The following LRP1B variants were observed in gnomAD, a reference collection of about 807,000 sequenced individuals.
LRP1B encodes the protein LDL receptor related protein 1B.
Under a neutral mutation model 556.6 loss-of-function variants are expected in LRP1B, and 217 were observed. The ratio of observed to expected loss-of-function variants is 0.39; its 90% CI spans 0.35 to 0.44. The LOEUF (loss-of-function observed/expected upper bound fraction) is 0.44. Ranked by LOEUF, LRP1B falls within the 20% of genes least tolerant of loss-of-function variation. LRP1B has a pLI of 1.00. For missense variants in LRP1B, 5,053 were observed against 5,620.8 expected (o/e 0.90, Z 3.23); for synonymous variants, 2,047 against 1,865.8 (o/e 1.10, Z -2.50).
intron 2 of LRP1B, among the ~76,000 whole-genome samples, chr2:141,503,487 G>A (rs1683806260): frequency 6.6e-6 from 1 of 151,766 alleles, no homozygotes; most frequent in Non-Finnish European, 1.5e-5. Context: ...ATTATACGTA[G>A]CCAAAATAAT....
intron 3 of LRP1B, among the ~76,000 whole-genome samples, chr2:141,256,348 C>T (rs1010170490): frequency 2.0e-5 from 3 of 151,702 alleles, no homozygotes; most frequent in African/African-American, 4.8e-5. Flanking sequence ...CGCTGCATTG[C>T]TAACCTATAA....
chr2:141,066,412 AG>A, intron 7 of LRP1B, among the ~76,000 whole-genome samples: 1 of 152,112 alleles, frequency 6.6e-6, no homozygotes, highest in East Asian at 1.9e-4. Flanking sequence ...TAAGTCACAA[AG>A]GGAGCGCTCA....
chr2:142,079,656 T>C (rs1249143729), intron 1 of LRP1B, among the ~76,000 whole-genome samples: 1 of 152,012 alleles, frequency 6.6e-6, no homozygotes, highest in Non-Finnish European at 1.5e-5. Context: ...ATTACAGGCA[T>C]GCACCAACAT....
chr2:140,961,567 T>A (rs1057266389), intron 18 of LRP1B, among the ~76,000 whole-genome samples: 2 of 152,116 alleles, frequency 1.3e-5, no homozygotes, highest in Non-Finnish European at 2.9e-5. Flanking sequence ...TTGTTGTATA[T>A]CACTTCCTAA....
intron 63 of LRP1B, among the ~76,000 whole-genome samples, chr2:140,449,478 C>T (rs1389297405): frequency 6.6e-6 from 1 of 151,886 alleles, no homozygotes; most frequent in Non-Finnish European, 1.5e-5. Flanking sequence ...TAGTAAAAAA[C>T]AAAAACTATA....
Position 140,510,074 on chromosome 2 carries a change from A to G in LRP1B, c.8270-18T>C, listed in dbSNP as rs1689589237. On this transcript the variant is annotated intron_variant, in intron 51 of 90. Transcript: ENST00000389484. ...TATGGCACCTGAAACACAAAAACAT[A>G]ATGCCATTAAGATTACTCTGTGTCC... 6.2e-7 allele frequency: 1 copy of G among 1,611,914 alleles called. No homozygotes were observed. Among genetic ancestry groups the G allele is most frequent in the Non-Finnish European group, 8.5e-7 (1 of 1,179,306 alleles).
intron 1 of LRP1B, among the ~76,000 whole-genome samples, chr2:141,944,218 C>T (rs139049838): frequency 5.5e-4 from 83 of 152,292 alleles, no homozygotes; most frequent in African/African-American, 1.9e-3. Flanking sequence ...TAGAATTCCT[C>T]ATAGATGGTG....
At chr2:140,301,223 G>T (rs1216871622) in intron 83 of LRP1B, among the ~76,000 whole-genome samples, 1 of 151,926 alleles carries the variant, frequency 6.6e-6, no homozygotes, top group Non-Finnish European at 1.5e-5. Flanking sequence ...TACTACAACA[G>T]CAAACAAACC....
At chr2:141,887,298 G>A (rs1188969798) in intron 1 of LRP1B, among the ~76,000 whole-genome samples, 5 of 152,126 alleles carry the variant, frequency 3.3e-5, no homozygotes, top group Admixed American at 1.3e-4. Context: ...GCCCAGCCCG[G>A]AATGGTTGAT....
At position 140,321,947 on chromosome 2, in the gene LRP1B, A is replaced by T. The variant is rs2105053039; in HGVS notation, c.12640+16T>A. ...AGGATTAATTCATTATTTACAGAAT[A>T]ATAAAGTATACCCACCTAACAGGCT... On this transcript the variant is annotated intron_variant, in intron 82 of 90. Transcript: ENST00000389484. The T allele has an allele frequency of 6.2e-7, 1 of 1,604,628 alleles. No homozygotes were observed. Among genetic ancestry groups the T allele is most frequent in the Non-Finnish European group, 8.5e-7 (1 of 1,176,330 alleles).
chr2:140,933,838 T>G (rs563185892), intron 20 of LRP1B, among the ~76,000 whole-genome samples: 163 of 152,224 alleles, frequency 1.1e-3, no homozygotes, highest in East Asian at 2.1e-3. Flanking sequence ...AGCACATTGT[T>G]AGAAATAGGC....
intron 2 of LRP1B, among the ~76,000 whole-genome samples, chr2:141,731,537 C>T (rs1439318554): frequency 2.6e-5 from 4 of 152,076 alleles, no homozygotes; most frequent in Admixed American, 1.3e-4. Context: ...ATATTTTTTT[C>T]CTAAAGCTCA....
chr2:141,351,460 G>A (rs1403144008), intron 3 of LRP1B, among the ~76,000 whole-genome samples: 2 of 151,972 alleles, frequency 1.3e-5, no homozygotes, highest in African/African-American at 4.8e-5. Context: ...TGACCAGGCT[G>A]TTCTATATAC....
chr2:141,417,622 G>A (rs1050079385), intron 3 of LRP1B, among the ~76,000 whole-genome samples: 3 of 152,000 alleles, frequency 2.0e-5, no homozygotes, highest in Admixed American at 6.6e-5. Context: ...GTTCACCATC[G>A]AGGGACATTT....
intron 86 of LRP1B, among the ~76,000 whole-genome samples, chr2:140,253,984 T>A (rs999114736): frequency 6.6e-6 from 1 of 152,124 alleles, no homozygotes; most frequent in Non-Finnish European, 1.5e-5. Flanking sequence ...GAAATCTCAA[T>A]GCTTAGTGCC....
intron 7 of LRP1B, among the ~76,000 whole-genome samples, chr2:141,128,538 T>C (rs775189901): frequency 1.3e-5 from 2 of 152,206 alleles, no homozygotes; most frequent in African/African-American, 2.4e-5. Flanking sequence ...CGCACCAAGT[T>C]TCTTCCAGCA....
chr2:141,910,027 A>G (rs978439032), intron 1 of LRP1B, among the ~76,000 whole-genome samples: 4 of 151,702 alleles, frequency 2.6e-5, no homozygotes, highest in Non-Finnish European at 5.9e-5. Context: ...GGAAGGTGCT[A>G]TTTCATAAGA....
chr2:140,661,009 T>C (rs926529446), intron 41 of LRP1B, among the ~76,000 whole-genome samples: 4 of 152,064 alleles, frequency 2.6e-5, no homozygotes, highest in African/African-American at 9.7e-5. Flanking sequence ...CTCCTAAGGT[T>C]TTTTCTATGA....
intron 1 of LRP1B, among the ~76,000 whole-genome samples, chr2:141,967,829 T>C (rs1013553431): frequency 6.6e-6 from 1 of 151,884 alleles, no homozygotes; most frequent in African/African-American, 2.4e-5. Context: ...ACTCACACAA[T>C]TGAGTTTATA....
Sources: allele counts gnomAD v4.1 joint callset (sites outside exome capture counted in the v4.1 genomes callset), GRCh38; gene constraint gnomAD v4.1.1; transcripts MANE v1.5; gene names NCBI Gene and HGNC (gene_info 2026-07-23, HGNC 2026-07-21).